CA13: variants seen among roughly 807,000 people sequenced by gnomAD.
CA13 encodes CA-XIII.
Under a neutral mutation model 31.5 loss-of-function variants are expected in CA13, and 21 were observed. The ratio of observed to expected loss-of-function variants is 0.67; its 90% CI spans 0.47 to 0.96. The LOEUF is 0.96. Among genes scored for constraint, CA13 ranks in the 40% least tolerant of loss-of-function variants. The pLI is 0.00. For synonymous variants in CA13, 117 were observed against 111.4 expected (o/e 1.05, Z -0.32); for missense variants, 315 against 318.9 (o/e 0.99, Z 0.09).
At chr8:85,273,212 C>G (rs1257034258) in intron 6 of CA13, among the ~76,000 whole-genome samples, 1 of 152,222 alleles carries the variant, frequency 6.6e-6, no homozygotes, top group Non-Finnish European at 1.5e-5. Context: ...CATACCCCTG[C>G]AAGCATTTGG....
rs542716348 is a variant in CA13, at chr8:85,264,134, C to T, written c.355-2474C>T. ...TAGGCGTCTACAAAACTAGGCTAATCGTCCATTCTGTGTTTGGAACTTTAT... is the reference window on the plus strand; with the variant it reads ...TAGGCGTCTACAAAACTAGGCTAATTGTCCATTCTGTGTTTGGAACTTTAT... On this transcript the variant is annotated intron_variant, in intron 3 of 6. Transcript: ENST00000321764. Among the ~76,000 whole-genome samples, 434 of 152,204 alleles carry T rather than the reference C, an allele frequency of 2.9e-3. 1 individual carries two copies. Among genetic ancestry groups the T allele is most frequent in the African/African-American group, 9.4e-3 (390 of 41,534 alleles).
At chr8:85,280,020 G>A (rs1013300095) in intron 6 of CA13, among the ~76,000 whole-genome samples, 1 of 151,950 alleles carries the variant, frequency 6.6e-6, no homozygotes, top group Non-Finnish European at 1.5e-5. Flanking sequence ...AGTGGCTCCC[G>A]CCTGTAATTC....
At chr8:85,252,884 T>C (rs1353324471) in intron 2 of CA13, among the ~76,000 whole-genome samples, 2 of 152,172 alleles carry the variant, frequency 1.3e-5, no homozygotes, top group Admixed American at 6.5e-5. Context: ...GCAAAAATTA[T>C]AAGCCCAACC....
rs1807739060 is a variant in CA13 at position 85,283,565 on chromosome 8, T to C, written c.*2216T>C. 1 of 152,666 alleles carries C rather than the reference T, an allele frequency of 6.6e-6. No individual in the cohort carries two copies. The highest frequency in any genetic ancestry group is 2.4e-5 in the African/African-American group (1 of 41,464). 9.5% of individuals were successfully genotyped at this position (152,666 alleles called of 1,614,324 possible). A position where few individuals can be genotyped will look rare whatever the true frequency, so the allele number is the denominator to read the frequency against. On this transcript the variant is annotated 3_prime_UTR_variant, in exon 7 of 7. Coordinates refer to ENST00000321764, the MANE Select transcript of CA13 (RefSeq NM_198584.3). ...TTCTTTTTAAAGGAATACTAATTAA[T>C]TGTAACTTGTAAAACCAAAAGTTCT...
At position 85,268,599 on chromosome 8, in the gene CA13, A is replaced by G; in HGVS notation, c.641A>G (p.Lys214Arg). The change falls in exon 6 of 7, where the codon AAG (lysine) becomes AGG (arginine). Residue 214 changes from lysine to arginine, a missense_variant. Physicochemically the swap from Lys to Arg is conservative, Grantham distance 26. Transcript: ENST00000321764. ...LLESVTWIVL[K>R]QPINISSQQL... ...GAGAGTGTCACATGGATTGTTTTAA[A>G]GCAACCTATAAACATCAGCTCTCAA... 2 of 1,613,762 alleles carry G rather than the reference A, an allele frequency of 1.2e-6. No individual in the cohort carries two copies. Among genetic ancestry groups the G allele is most frequent in the East Asian group, 2.2e-5 (1 of 44,856 alleles).
chr8:85,272,412 C>T (rs562810294), intron 6 of CA13, among the ~76,000 whole-genome samples: 50 of 151,978 alleles, frequency 3.3e-4, no homozygotes, highest in Middle Eastern at 6.8e-3. Flanking sequence ...TGCATCACCA[C>T]GCCTGGCCAA....
chr8:85,262,647 G>C (rs1277639867), intron 3 of CA13, among the ~76,000 whole-genome samples: 1 of 152,168 alleles, frequency 6.6e-6, no homozygotes, highest in Non-Finnish European at 1.5e-5. Flanking sequence ...TTTCCATTGG[G>C]AAGTGGTGAT....
At position 85,255,407 on chromosome 8, in the gene CA13, C is replaced by T. The variant is rs553793879; in HGVS notation, c.236-4014C>T. ...CCTCCTGAGTAGCTGGGATTACAGG[C>T]GCACGTCACCATGCCCAACTAATTT... On this transcript the variant is annotated intron_variant, in intron 2 of 6. Coordinates refer to ENST00000321764, the MANE Select transcript of CA13 (RefSeq NM_198584.3). Among the ~76,000 whole-genome samples, 109 of 152,098 alleles carry T rather than the reference C, an allele frequency of 7.2e-4. 1 individual carries two copies. The highest frequency in any genetic ancestry group is 2.3e-3 in the African/African-American group (94 of 41,498).
intron 1 of CA13, among the ~76,000 whole-genome samples, chr8:85,250,135 C>T (rs1813801003): frequency 6.6e-6 from 1 of 152,186 alleles, no homozygotes; most frequent in Non-Finnish European, 1.5e-5. Context: ...CGTTTCCTGA[C>T]GTGGTGCAGC....
At chr8:85,267,269 G>A in intron 4 of CA13, 1 of 986,102 alleles carries the variant, frequency 1.0e-6, no homozygotes, top group Non-Finnish European at 1.2e-6. Context: ...CTCATGAACA[G>A]AGAATGCTTC....
rs570667707 is a variant in CA13, at chr8:85,248,469, A to G, written c.38-2271A>G. 1.9e-4 allele frequency among the ~76,000 whole-genome samples: 29 copies of G among 151,844 alleles called. No individual in the cohort carries two copies. The East Asian group carries it at 4.2e-3, about 22-fold the overall frequency. On this transcript the variant is annotated intron_variant, in intron 1 of 6. Coordinates refer to ENST00000321764, the MANE Select transcript of CA13 (RefSeq NM_198584.3). Reference sequence around the variant, plus strand: ...TGAAACTCTGTCTCAAAAAAAAAAAAAAAAAGAAAAAGAATTATGGTGGCT... The same window carrying G: ...TGAAACTCTGTCTCAAAAAAAAAAAGAAAAAGAAAAAGAATTATGGTGGCT...
intron 2 of CA13, among the ~76,000 whole-genome samples, chr8:85,253,760 C>T (rs1807235243): frequency 1.3e-5 from 2 of 152,104 alleles, no homozygotes; most frequent in South Asian, 4.1e-4. Flanking sequence ...CACTGGTAGA[C>T]CCCGCTACTG....
chr8:85,246,440 A>C, intron 1 of CA13: 1 of 456,078 alleles, frequency 2.2e-6, no homozygotes, highest in South Asian at 1.5e-5. Context: ...TTGGCTGACT[A>C]CTACTGGGGA....
intron 2 of CA13, among the ~76,000 whole-genome samples, chr8:85,258,473 G>A (rs1267976406): frequency 6.6e-6 from 1 of 152,038 alleles, no homozygotes; most frequent in Non-Finnish European, 1.5e-5. Flanking sequence ...AGGACAAAAG[G>A]TATGCTTGCT....
In CA13 at chr8:85,245,874, C is replaced by G; in HGVS notation, c.37+9C>G. 1.2e-6 allele frequency: 2 copies of G among 1,614,144 alleles called. No individual in the cohort carries two copies. Among genetic ancestry groups the G allele is most frequent in the Non-Finnish European group, 1.7e-6 (2 of 1,180,012 alleles). On this transcript the variant is annotated intron_variant, in intron 1 of 6. Coordinates refer to ENST00000321764, the MANE Select transcript of CA13 (RefSeq NM_198584.3). Reference sequence around the variant, plus strand: ...ATACCGCGAGCACAACGGTGAGCGCCTTTTCCTGATCCAAGGGGGGGTTTG... The same window carrying G: ...ATACCGCGAGCACAACGGTGAGCGCGTTTTCCTGATCCAAGGGGGGGTTTG...
At chr8:85,270,203 A>G (rs1564004009) in intron 6 of CA13, among the ~76,000 whole-genome samples, 1 of 152,134 alleles carries the variant, frequency 6.6e-6, no homozygotes. Flanking sequence ...TAATTTTTGC[A>G]GCTAATAAAG....
chr8:85,269,875 A>ATT (rs200116373), intron 6 of CA13, among the ~76,000 whole-genome samples: 3 of 149,702 alleles, frequency 2.0e-5, no homozygotes. Context: ...TGCCTGGCTT[A>ATT]TTTTTTTTTT....
Position 85,281,425 on chromosome 8 carries a change from C to T in CA13, c.*76C>T, listed in dbSNP as rs1807705310. Reference sequence around the variant, plus strand: ...ACAAAACAAAGCACAAAAGTCTCTGCCAACAACTCTTTTGTGGAATTCTAA... The same window carrying T: ...ACAAAACAAAGCACAAAAGTCTCTGTCAACAACTCTTTTGTGGAATTCTAA... On this transcript the variant is annotated 3_prime_UTR_variant, in exon 7 of 7. Transcript: ENST00000321764. The T allele has an allele frequency of 1.3e-6, 2 of 1,546,230 alleles. No individual in the cohort carries two copies. The highest frequency in any genetic ancestry group is 1.8e-6 in the Non-Finnish European group (2 of 1,138,594).
intron 2 of CA13, among the ~76,000 whole-genome samples, chr8:85,252,152 G>A (rs1807201895): frequency 6.6e-6 from 1 of 152,130 alleles, no homozygotes; most frequent in African/African-American, 2.4e-5. Flanking sequence ...AGCTACTCTG[G>A]AGGCTGAGGC....
Sources: gnomAD v4.1 joint callset for allele counts (sites outside exome capture counted in the v4.1 genomes callset) on GRCh38, gnomAD v4.1.1 for gene constraint, MANE v1.5 for transcripts, NCBI Gene and HGNC (gene_info 2026-07-23, HGNC 2026-07-21) for gene names.